The following DMD variants were observed in gnomAD, a reference collection of about 807,000 sequenced individuals.
DMD encodes mutant dystrophin.
DMD carries 63 observed loss-of-function variants against 330.1 expected under a neutral mutation model. The ratio of observed to expected loss-of-function variants is 0.19; its 90% CI spans 0.16 to 0.24. DMD has a LOEUF of 0.24. DMD is among the 10% of genes least tolerant of loss of function. The probability of loss-of-function intolerance (pLI) is 1.00; values close to 1 mark genes in which losing one functional copy is unlikely to be tolerated. For missense variants in DMD, 3,344 were observed against 2,684.1 expected (o/e 1.25, Z -5.43); for synonymous variants, 1,223 against 959.8 (o/e 1.27, Z -5.07).
chrX:31,932,422 A>C (rs1430202241), intron 45 of DMD, among the ~76,000 whole-genome samples, 195 bp from the exon 46 acceptor site: 1 of 112,376 alleles, frequency 8.9e-6, no homozygotes, highest in Admixed American at 9.4e-5. Context: ...AAATGATAAG[A>C]GATTAAAATC....
intron 45 of DMD, among the ~76,000 whole-genome samples, chrX:31,944,623 G>T (rs1466966462): frequency 2.9e-5 from 3 of 103,876 alleles, no homozygotes; most frequent in Non-Finnish European, 3.9e-5. Flanking sequence ...GACTACAGGC[G>T]CCCGCCACCA....
intron 67 of DMD, among the ~76,000 whole-genome samples, chrX:31,186,319 C>T (rs2041773280): frequency 9.0e-6 from 1 of 111,707 alleles, no homozygotes; most frequent in African/African-American, 3.3e-5. Flanking sequence ...ACTCCGGAGC[C>T]AGAAAAAAGA....
At chrX:31,885,286 C>A (rs1417459944) in intron 47 of DMD, among the ~76,000 whole-genome samples, 1 of 111,152 alleles carries the variant, frequency 9.0e-6, no homozygotes, top group African/African-American at 3.3e-5. Context: ...TCTTCCCTCC[C>A]AAAACATACT....
At chrX:32,855,182 G>A (rs2081447075) in intron 2 of DMD, among the ~76,000 whole-genome samples, 1 of 111,860 alleles carries the variant, frequency 8.9e-6, no homozygotes, top group Admixed American at 9.5e-5. Context: ...CCTTAACACA[G>A]TAAAAGCCAC....
intron 41 of DMD, among the ~76,000 whole-genome samples, chrX:32,331,259 T>G (rs555579647): frequency 1.8e-5 from 2 of 111,903 alleles, no homozygotes; most frequent in South Asian, 7.3e-4. Flanking sequence ...ATAGTCACAA[T>G]GAGAAGTAAC....
At position 31,961,520 on chromosome X, in the gene DMD, G is replaced by A. The variant is rs776243867; in HGVS notation, c.6614+6819C>T. 3.6e-5 allele frequency among the ~76,000 whole-genome samples: 4 copies of A among 111,152 alleles called. No homozygotes were observed. In the South Asian group the frequency reaches 1.5e-3, roughly 42 times the overall value. On this transcript the variant is annotated intron_variant, in intron 45 of 78. Transcript: ENST00000357033. Reference sequence around the variant, plus strand: ...TCATGAAGCTTTTAATCTTGCTGGGGGAAAAGCATATGTAAATAGGTATGA... The same window carrying A: ...TCATGAAGCTTTTAATCTTGCTGGGAGAAAAGCATATGTAAATAGGTATGA...
chrX:33,112,343 C>A (rs1013239728), intron 1 of DMD, among the ~76,000 whole-genome samples: 1 of 111,316 alleles, frequency 9.0e-6, no homozygotes, highest in Admixed American at 9.6e-5. Context: ...CACCAGGGGT[C>A]TTAGAACACG....
In DMD at chrX:32,466,913, TG is replaced by T. The variant is rs2040087250; in HGVS notation, c.3162+1584del. 4.5e-5 allele frequency among the ~76,000 whole-genome samples: 5 copies of T among 111,486 alleles called. No individual in the cohort carries two copies. The Admixed American group carries it at 4.8e-4, about 11-fold the overall frequency. On this transcript the variant is annotated intron_variant, in intron 23 of 78. Transcript: ENST00000357033. ...TTCCAGAACTCTAATAAATTTGTGTTGCTTGAAGTTATTAAATTTCCGGCAA... is the reference window on the plus strand; with the variant it reads ...TTCCAGAACTCTAATAAATTTGTGTTCTTGAAGTTATTAAATTTCCGGCAA...
intron 53 of DMD, among the ~76,000 whole-genome samples, chrX:31,665,161 T>C (rs1199563348): frequency 8.9e-6 from 1 of 111,900 alleles, no homozygotes; most frequent in Non-Finnish European, 1.9e-5. Context: ...AAAGAAGTTA[T>C]GCATCCATAT....
intron 62 of DMD, among the ~76,000 whole-genome samples, chrX:31,300,883 T>C (rs899249772): frequency 1.8e-5 from 2 of 112,341 alleles, no homozygotes; most frequent in Non-Finnish European, 3.8e-5. Flanking sequence ...GTTGCTCCCA[T>C]ACTTGTAGCA....
chrX:32,566,928 T>TA, intron 15 of DMD, among the ~76,000 whole-genome samples: 1 of 112,112 alleles, frequency 8.9e-6, no homozygotes, highest in Middle Eastern at 4.6e-3. Context: ...GAATGTAAAC[T>TA]AAATCGCGAT....
chrX:32,179,333 T>G (rs1454458169), intron 44 of DMD, among the ~76,000 whole-genome samples: 1 of 111,483 alleles, frequency 9.0e-6, no homozygotes, highest in Non-Finnish European at 1.9e-5. Flanking sequence ...ATGATCTGAG[T>G]TCTGATAATG....
chrX:31,616,890 G>A (rs2078229594), intron 55 of DMD, among the ~76,000 whole-genome samples: 1 of 111,522 alleles, frequency 9.0e-6, no homozygotes, highest in African/African-American at 3.3e-5. Flanking sequence ...TGAAAGTGAG[G>A]CAAGTAAGTG....
intron 44 of DMD, among the ~76,000 whole-genome samples, chrX:32,169,226 G>T (rs1384075693): frequency 8.9e-6 from 1 of 111,976 alleles, no homozygotes; most frequent in Non-Finnish European, 1.9e-5. Context: ...AGGTGACAGG[G>T]ATTTGACAAA....
At chrX:33,236,572 C>A (rs753585902) in intron 1 of DMD, among the ~76,000 whole-genome samples, 1 of 111,242 alleles carries the variant, frequency 9.0e-6, no homozygotes, top group Non-Finnish European at 1.9e-5. Flanking sequence ...GACTCTCCTT[C>A]CTCTTTCAAG....
At chrX:31,148,285 T>A (rs1180824800) in intron 74 of DMD, among the ~76,000 whole-genome samples, 1 of 112,559 alleles carries the variant, frequency 8.9e-6, no homozygotes, top group Non-Finnish European at 1.9e-5. Context: ...TTTTAAACTT[T>A]AAATTTAAGA....
At chrX:31,220,470 C>T (rs940823314) in intron 64 of DMD, among the ~76,000 whole-genome samples, 6 of 111,809 alleles carry the variant, frequency 5.4e-5, no homozygotes, top group Admixed American at 2.8e-4. Flanking sequence ...ACCCTGGTAA[C>T]GGGTTCTTTC....
chrX:32,389,433 A>C, intron 32 of DMD, 68 bp downstream of exon 32: 1 of 1,063,998 alleles, frequency 9.4e-7, no homozygotes, highest in South Asian at 1.9e-5. Flanking sequence ...CTCTCTTATA[A>C]AAGAGCAGTT....
chrX:32,661,550 A>G (rs778074432), intron 9 of DMD, among the ~76,000 whole-genome samples: 2 of 111,438 alleles, frequency 1.8e-5, no homozygotes, highest in Non-Finnish European at 3.8e-5. Context: ...AACATTTCCC[A>G]GAGATAGCTA....
Sources: allele counts gnomAD v4.1 joint callset (sites outside exome capture counted in the v4.1 genomes callset), GRCh38; gene constraint gnomAD v4.1.1; transcripts MANE v1.5; gene names NCBI Gene and HGNC (gene_info 2026-07-23, HGNC 2026-07-21).